Variants in USH2A observed in about 807,000 individuals in gnomAD.
The protein encoded by USH2A is Usher syndrome 2A (autosomal recessive, mild).
In USH2A, 443 loss-of-function variants were observed where a neutral mutation model predicts 538.9. The observed-to-expected ratio is 0.82, with a 90% CI of 0.76 to 0.89. The LOEUF (loss-of-function observed/expected upper bound fraction) is 0.89, where lower values mean the gene tolerates loss of function less well. Ranked by LOEUF, USH2A falls within the 40% of genes least tolerant of loss-of-function variation. USH2A has a pLI of 0.00. For missense variants in USH2A, 6,633 were observed against 6,324.8 expected (o/e 1.05, Z -1.65); for synonymous variants, 2,413 against 2,273.5 (o/e 1.06, Z -1.75).
In USH2A at chr1:215,934,686, T is replaced by A. The variant is rs202162396; in HGVS notation, c.7230A>T (p.Val2410=). ...DGLVPFTNYT[V]QVNISNSQGS... is the part of the protein sequence containing the mutation. Reference sequence around the variant, plus strand: ...CTTGGCTATTTGAAATATTCACTTGTACAGTATAGTTGGTAAAAGGAACCA... The same window carrying A: ...CTTGGCTATTTGAAATATTCACTTGAACAGTATAGTTGGTAAAAGGAACCA... Residue 2410 remains valine (V), a synonymous_variant, in exon 38 of 72, where the codon GTA becomes GTT. Coordinates refer to ENST00000307340, the MANE Select transcript of USH2A (RefSeq NM_206933.4). 39 of 1,612,910 alleles carry A rather than the reference T, an allele frequency of 2.4e-5. No homozygotes were observed. In the East Asian group the frequency reaches 8.0e-4, roughly 33 times the overall value.
At chr1:216,419,977 G>T (rs758508626) in intron 2 of USH2A, among the ~76,000 whole-genome samples, 1 of 152,056 alleles carries the variant, frequency 6.6e-6, no homozygotes, top group Non-Finnish European at 1.5e-5. Context: ...AGTTATGAGT[G>T]CAAGTATATT....
intron 26 of USH2A, among the ~76,000 whole-genome samples, chr1:216,082,487 G>A (rs1035457648): frequency 1.3e-5 from 2 of 148,894 alleles, no homozygotes; most frequent in African/African-American, 4.9e-5. Context: ...AAAGATGAAC[G>A]TATCTTAGAC....
intron 21 of USH2A, among the ~76,000 whole-genome samples, chr1:216,147,983 TCCTTCCCA>T (rs2033746442): frequency 8.4e-6 from 1 of 119,108 alleles, no homozygotes; most frequent in South Asian, 3.2e-4. Flanking sequence ...GCTCTCTGAC[TCCTTCCCA>T]GATCTTCTCG....
chr1:216,207,162 T>C, intron 16 of USH2A, 111 bp downstream of exon 16: 2 of 1,333,300 alleles, frequency 1.5e-6, no homozygotes, highest in Admixed American at 3.6e-5. Flanking sequence ...TTTGAAACAC[T>C]CTGTGCCAGA....
At chr1:216,024,938 AT>A (rs1342814851) in intron 32 of USH2A, among the ~76,000 whole-genome samples, 3 of 151,970 alleles carry the variant, frequency 2.0e-5, no homozygotes, top group Non-Finnish European at 4.4e-5. Context: ...AAGAATATTT[AT>A]GCTAAAGTAC....
At chr1:216,049,675 C>T (rs2030672554) in intron 30 of USH2A, among the ~76,000 whole-genome samples, 1 of 152,114 alleles carries the variant, frequency 6.6e-6, no homozygotes. Context: ...CATTCAAACA[C>T]AAATTTTAAT....
At chr1:215,756,985 T>C (rs927577431) in intron 58 of USH2A, among the ~76,000 whole-genome samples, 2 of 151,926 alleles carry the variant, frequency 1.3e-5, no homozygotes, top group Non-Finnish European at 2.9e-5. Context: ...AAAGTAGAAA[T>C]AAATTCTGTA....
At chr1:215,754,022 C>T (rs1334177204) in intron 58 of USH2A, among the ~76,000 whole-genome samples, 1 of 152,174 alleles carries the variant, frequency 6.6e-6, no homozygotes, top group Non-Finnish European at 1.5e-5. Context: ...AAGGCAGTAG[C>T]AGACAGTAGA....
chr1:215,755,427 A>G (rs1660762227), intron 58 of USH2A, among the ~76,000 whole-genome samples: 1 of 152,180 alleles, frequency 6.6e-6, no homozygotes, highest in South Asian at 2.1e-4. Flanking sequence ...TGTTTAAAAT[A>G]TATATATTTG....
intron 44 of USH2A, among the ~76,000 whole-genome samples, chr1:215,862,423 G>A (rs1287528582): frequency 1.3e-5 from 2 of 152,056 alleles, no homozygotes; most frequent in Non-Finnish European, 2.9e-5. Context: ...GTGGGGTGGG[G>A]GGAGTGGGGA....
chr1:216,355,315 G>GAAAGAAAGAAAGAAAGAAAGAAAT (rs1558051783), intron 4 of USH2A, among the ~76,000 whole-genome samples: 12 of 36,314 alleles, frequency 3.3e-4, no homozygotes, highest in African/African-American at 7.0e-4. Flanking sequence ...CAAAAAGAAA[G>GAAAGAAAGAAAGAAAGAAAGAAAT]AAAGAAAGAA....
At chr1:216,338,339 A>G (rs1361399759) in intron 4 of USH2A, among the ~76,000 whole-genome samples, 1 of 151,514 alleles carries the variant, frequency 6.6e-6, no homozygotes, top group Non-Finnish European at 1.5e-5. Flanking sequence ...GATACAGTAG[A>G]GGTGGCTTTA....
chr1:215,771,409 T>C (rs1661280527), intron 55 of USH2A, among the ~76,000 whole-genome samples: 1 of 148,916 alleles, frequency 6.7e-6, no homozygotes, highest in Non-Finnish European at 1.5e-5. Flanking sequence ...TGAAACCCCG[T>C]CTCTACTAAA....
At chr1:216,380,629 A>T (rs566108632) in intron 3 of USH2A, among the ~76,000 whole-genome samples, 1 of 152,312 alleles carries the variant, frequency 6.6e-6, no homozygotes, top group East Asian at 1.9e-4. Flanking sequence ...ATGGGAGAAA[A>T]AACAGTACTG....
At chr1:216,164,248 T>A (rs1038279195) in intron 21 of USH2A, among the ~76,000 whole-genome samples, 1 of 152,136 alleles carries the variant, frequency 6.6e-6, no homozygotes, top group African/African-American at 2.4e-5. Flanking sequence ...TATCAAAGCT[T>A]GAAACACAGT....
chr1:215,786,912 T>C (rs1234205968), intron 51 of USH2A, 38 bp from the exon 52 acceptor site: 2 of 1,602,188 alleles, frequency 1.2e-6, no homozygotes, highest in East Asian at 4.5e-5. Context: ...AGAGGGGTAT[T>C]TAAAAATTTC....
chr1:216,402,655 G>A (rs1412629143), intron 3 of USH2A, among the ~76,000 whole-genome samples: 1 of 151,976 alleles, frequency 6.6e-6, no homozygotes, highest in African/African-American at 2.4e-5. Flanking sequence ...AATACAGCAC[G>A]TAAAACATAT....
chr1:216,295,925 A>G (rs1481328534), intron 9 of USH2A, among the ~76,000 whole-genome samples: 1 of 152,036 alleles, frequency 6.6e-6, no homozygotes, highest in Admixed American at 6.5e-5. Flanking sequence ...ATATTTCATA[A>G]TCATCATTGG....
intron 32 of USH2A, among the ~76,000 whole-genome samples, chr1:216,001,804 T>A (rs567814095): frequency 6.6e-6 from 1 of 152,220 alleles, no homozygotes; most frequent in East Asian, 1.9e-4. Flanking sequence ...CAAAGTACAA[T>A]CAATTGGTTA....
Sources: gnomAD v4.1 joint callset for allele counts (sites outside exome capture counted in the v4.1 genomes callset) on GRCh38, gnomAD v4.1.1 for gene constraint, MANE v1.5 for transcripts, NCBI Gene and HGNC (gene_info 2026-07-23, HGNC 2026-07-21) for gene names.